KLF1: variants seen among roughly 807,000 people sequenced by gnomAD.
KLF1 encodes the protein KLF transcription factor 1.
KLF1 carries 29 observed loss-of-function variants against 28.0 expected under a neutral mutation model. The ratio of observed to expected loss-of-function variants is 1.04; its 90% CI spans 0.77 to 1.41. The LOEUF (loss-of-function observed/expected upper bound fraction) is 1.41, where lower values mean the gene tolerates loss of function less well. Ranked by LOEUF, KLF1 falls within the 40% of genes most tolerant of loss-of-function variation. KLF1 has a pLI of 0.00. For synonymous variants in KLF1, 262 were observed against 242.6 expected (o/e 1.08, Z -0.74); for missense variants, 508 against 515.1 (o/e 0.99, Z 0.13).
Position 12,885,705 on chromosome 19 carries a change from G to A in KLF1, c.525C>T (p.Ala175=). 3.3e-6 allele frequency: 5 copies of A among 1,525,818 alleles called. No homozygotes were observed. Among genetic ancestry groups the A allele is most frequent in the Non-Finnish European group, 4.4e-6 (5 of 1,136,104 alleles). The allele number at this position is 1,525,818 out of a possible 1,614,324, so 94.5% of individuals were successfully genotyped here. ...GCGGGAAGTAGCCACCCGAGGAGCC[G>A]GCGCCGGGCCCCGGGTACACCGGTT... The part of the protein sequence containing the change: ...ALQPVYPGPG[A]GSSGGYFPRT... Residue 175 remains alanine (A), a synonymous_variant, in exon 2 of 3, where the codon GCC becomes GCT. Transcript: ENST00000264834. The surrounding 1 kb of genome is among the most constrained non-coding windows in gnomAD (Gnocchi z 5.6).
Position 12,885,617 on chromosome 19 carries a change from CG to C in KLF1, c.612del (p.Ala205ArgfsTer32). On this transcript the variant is annotated frameshift_variant, in exon 2 of 3. Transcript: ENST00000264834. LOFTEE classifies it high-confidence loss of function. The surrounding 1 kb of genome is among the most constrained non-coding windows in gnomAD (Gnocchi z 5.6). ...GAPYGLLSGY[P>X]AMYPAPQYQG... The stretch of plus-strand genomic sequence containing the variant: ...TGGTACTGAGGCGCCGGGTACATCG[CG>C]GGGTACCCGGACAGTAGCCCGTAGG... The C allele has an allele frequency of 6.4e-7, 1 of 1,551,706 alleles. No homozygotes were observed. The highest frequency in any genetic ancestry group is 8.7e-7 in the Non-Finnish European group (1 of 1,148,200).
rs778818367 is a variant in KLF1, at chr19:12,887,078, C to T, written c.63G>A (p.Pro21=). The T allele has an allele frequency of 6.2e-6, 10 of 1,614,006 alleles. No homozygotes were observed. The highest frequency in any genetic ancestry group is 1.6e-4 in the Middle Eastern group (1 of 6,084). The change falls in exon 1 of 3, where the codon CCG becomes CCA. Residue 21 remains proline (P), a synonymous_variant. Coordinates refer to ENST00000264834, the MANE Select transcript of KLF1 (RefSeq NM_006563.5). This position sits in a 1 kb window ranked among gnomAD's most constrained non-coding sequence, Gnocchi z 4.7. ...CCTTGAGGAAGTCATCCTGTGTGTC[C>T]GGGAAGGGGCCCAGGGCGGTCAGTG... ...ISTLTALGPF[P]DTQDDFLKWW... is the part of the protein sequence containing the mutation.
chr19:12,884,954 G>C lies in KLF1; in HGVS notation c.1020C>G (p.Arg340=). 1 of 1,613,764 alleles carries C rather than the reference G, an allele frequency of 6.2e-7. No homozygotes were observed. Among genetic ancestry groups the C allele is most frequent in the South Asian group, 1.1e-5 (1 of 91,084 alleles). Residue 340 remains arginine (R), a synonymous_variant, in exon 3 of 3, where the codon CGC becomes CGG. Transcript: ENST00000264834. The part of the protein sequence containing the change: ...YRKHTGQRPF[R]CQLCPRAFSR... ...AAAAAGCACGTGGGCAGAGCTGGCA[G>C]CGGAAGGGGCGCTGCCCCGTGTGTT... is the stretch of plus-strand genomic sequence containing the variant.
Position 12,885,385 on chromosome 19 carries a change from G to A in KLF1, c.845C>T (p.Ala282Val). 6.2e-7 allele frequency: 1 copy of A among 1,605,558 alleles called. No individual in the cohort carries two copies. The change falls in exon 2 of 3, where the codon GCG (alanine) becomes GTG (valine). Residue 282 changes from alanine (A) to valine (V), a missense_variant. Physicochemically the swap from Ala to Val is moderately conservative, Grantham distance 64. Transcript: ENST00000264834. The surrounding 1 kb of genome is among the most constrained non-coding windows in gnomAD (Gnocchi z 5.6). ...GTAGCTCTTGCCGCAACCCGGGTGC[G>A]CGCACGTGTGCGCTGCCTGCCTCTT... ...ARKRQAAHTC[A>V]HPGCGKSYTK... is the part of the protein sequence containing the mutation.
Position 12,886,916 on chromosome 19 carries a change from C to T in KLF1, c.87+138G>A, listed in dbSNP as rs560490764. ...CCCCTGCCAGACTAAGCTGAGATCT[C>T]CTCTCCTGGACTGAGCGTACCTCAG... On this transcript the variant is annotated intron_variant, in intron 1 of 2. Transcript: ENST00000264834. 14 of 874,326 alleles carry T rather than the reference C, an allele frequency of 1.6e-5. No individual in the cohort carries two copies. In the African/African-American group the frequency reaches 2.0e-4, roughly 12 times the overall value. The allele number at this position is 874,326 out of a possible 1,614,324, so 54.2% of individuals were successfully genotyped here.
chr19:12,885,524 G>T lies in KLF1; in HGVS notation c.706C>A (p.Leu236Met). ...APGPATSPSFLSCLGPGTVGT... is the reference protein window; with the variant it reads ...APGPATSPSFMSCLGPGTVGT... Reference sequence around the variant, plus strand: ...ACCGTCCCGGGTCCCAAACAACTCAGGAAGGAGGGGGACGTGGCGGGACCG... The same window carrying T: ...ACCGTCCCGGGTCCCAAACAACTCATGAAGGAGGGGGACGTGGCGGGACCG... The change falls in exon 2 of 3, where the codon CTG becomes ATG. Residue 236 changes from leucine (L) to methionine (M), a missense_variant. By Grantham distance (15) the Leu-to-Met change is conservative. Coordinates refer to ENST00000264834, the MANE Select transcript of KLF1 (RefSeq NM_006563.5). The surrounding 1 kb of genome is among the most constrained non-coding windows in gnomAD (Gnocchi z 5.6). 6.3e-7 allele frequency: 1 copy of T among 1,587,380 alleles called. No individual in the cohort carries two copies. Among genetic ancestry groups the T allele is most frequent in the East Asian group, 2.3e-5 (1 of 43,424 alleles).
Position 12,885,149 on chromosome 19 carries a change from G to A in KLF1, c.914-89C>T. The A allele has an allele frequency of 2.7e-6, 4 of 1,491,460 alleles. No individual in the cohort carries two copies. In the South Asian group the frequency reaches 4.6e-5, roughly 17 times the overall value. 92.4% of individuals were successfully genotyped at this position (1,491,460 alleles called of 1,614,324 possible). On this transcript the variant is annotated intron_variant, in intron 2 of 2. Transcript: ENST00000264834. This position sits in a 1 kb window ranked among gnomAD's most constrained non-coding sequence, Gnocchi z 5.6. Reference sequence around the variant, plus strand: ...CTGGCCACACCCCTTTACTCAGCCTGGGCTGGGACTAGGATGAACAAAGTG... The same window carrying A: ...CTGGCCACACCCCTTTACTCAGCCTAGGCTGGGACTAGGATGAACAAAGTG...
chr19:12,886,260 T>A, intron 1 of KLF1, 118 bp from the exon 2 acceptor site: 1 of 713,234 alleles, frequency 1.4e-6, no homozygotes, highest in Non-Finnish European at 2.3e-6. Flanking sequence ...TTTGCCTGTC[T>A]GTCTGTCCCA....
intron 1 of KLF1, among the ~76,000 whole-genome samples, chr19:12,886,442 G>A (rs761987650): frequency 6.6e-5 from 10 of 152,040 alleles, no homozygotes; most frequent in Non-Finnish European, 1.5e-4. Flanking sequence ...AAACTGGCAG[G>A]GGACGGGGGA....
Position 12,884,916 on chromosome 19 carries a change from T to A in KLF1, c.1058A>T (p.His353Leu). ...LCPRAFSRSD[H>L]LALHMKRHL ...GTGGCGCTTCATGTGCAAGGCCAGGTGGTCAGAGCGCGAAAAAGCACGTGG... is the reference window on the plus strand; with the variant it reads ...GTGGCGCTTCATGTGCAAGGCCAGGAGGTCAGAGCGCGAAAAAGCACGTGG... Residue 353 changes from histidine (H) to leucine (L), a missense_variant, in exon 3 of 3, where the codon CAC becomes CTC. By Grantham distance (99) the His-to-Leu change is moderately conservative (BLOSUM62 -3). Coordinates refer to ENST00000264834, the MANE Select transcript of KLF1 (RefSeq NM_006563.5). 1 of 1,613,884 alleles carries A rather than the reference T, an allele frequency of 6.2e-7. No homozygotes were observed. Among genetic ancestry groups the A allele is most frequent in the Non-Finnish European group, 8.5e-7 (1 of 1,180,010 alleles).
Position 12,884,803 on chromosome 19 carries a change from G to T in KLF1, c.*82C>A. ...GGAAAACCACCCAGCATTGTGTCAC[G>T]CGCGTCCGTGTGAAGAGACCACCAA... On this transcript the variant is annotated 3_prime_UTR_variant, in exon 3 of 3. Coordinates refer to ENST00000264834, the MANE Select transcript of KLF1 (RefSeq NM_006563.5). The T allele has an allele frequency of 6.9e-7, 1 of 1,446,654 alleles. No individual in the cohort carries two copies. The allele number at this position is 1,446,654 out of a possible 1,614,324, so 89.6% of individuals were successfully genotyped here. A position where few individuals can be genotyped will look rare whatever the true frequency, so the allele number is the denominator to read the frequency against.
Position 12,885,307 on chromosome 19 carries a change from G to C in KLF1, c.913+10C>G. ...CGCCCTTTCTCATGTCCGGGGCCCC[G>C]CCCCCTCACCTGTGTGCGTGCGCAG... On this transcript the variant is annotated intron_variant, in intron 2 of 2. Coordinates refer to ENST00000264834, the MANE Select transcript of KLF1 (RefSeq NM_006563.5). This position sits in a 1 kb window ranked among gnomAD's most constrained non-coding sequence, Gnocchi z 5.6. 6.4e-7 allele frequency: 1 copy of C among 1,567,326 alleles called. No homozygotes were observed. Among genetic ancestry groups the C allele is most frequent in the Non-Finnish European group, 8.7e-7 (1 of 1,155,316 alleles).
chr19:12,886,709 G>T (rs1970453083), intron 1 of KLF1, among the ~76,000 whole-genome samples: 1 of 149,388 alleles, frequency 6.7e-6, no homozygotes, highest in Non-Finnish European at 1.5e-5. Context: ...GGGCTCTAAT[G>T]ATCCTCCTGC....
Position 12,885,927 on chromosome 19 carries a change from G to C in KLF1, c.303C>G (p.Ala101=). The change falls in exon 2 of 3, where the codon GCC becomes GCG. Residue 101 remains alanine (A), a synonymous_variant. Coordinates refer to ENST00000264834, the MANE Select transcript of KLF1 (RefSeq NM_006563.5). This position sits in a 1 kb window ranked among gnomAD's most constrained non-coding sequence, Gnocchi z 5.6. ...PQTCALAPSE[A]SGAQYPPPPE... is the part of the protein sequence containing the mutation. ...GCGGCGGCGGATATTGCGCCCCGGA[G>C]GCCTCGCTGGGCGCCAGAGCGCAGG... 1 of 1,554,092 alleles carries C rather than the reference G, an allele frequency of 6.4e-7. No homozygotes were observed. Among genetic ancestry groups the C allele is most frequent in the Non-Finnish European group, 8.7e-7 (1 of 1,149,074 alleles).
Position 12,885,301 on chromosome 19 carries a change from G to C in KLF1, c.913+16C>G. 2 of 1,561,670 alleles carry C rather than the reference G, an allele frequency of 1.3e-6. No individual in the cohort carries two copies. The highest frequency in any genetic ancestry group is 1.7e-6 in the Non-Finnish European group (2 of 1,152,152). On this transcript the variant is annotated intron_variant, in intron 2 of 2. Transcript: ENST00000264834. This position sits in a 1 kb window ranked among gnomAD's most constrained non-coding sequence, Gnocchi z 5.6. ...GCGCCGCGCCCTTTCTCATGTCCGG[G>C]GCCCCGCCCCCTCACCTGTGTGCGT...
Position 12,885,852 on chromosome 19 carries a change from A to G in KLF1, c.378T>C (p.Leu126=). 2 of 1,551,610 alleles carry G rather than the reference A, an allele frequency of 1.3e-6. No individual in the cohort carries two copies. The highest frequency in any genetic ancestry group is 3.9e-5 in the Admixed American group (2 of 51,356). The part of the protein sequence containing the change: ...YAGGPGLVAG[L]LGSEDHSGWV... ...AACCCGAGTGATCCTCCGAACCCAA[A>G]AGCCCAGCCACCAGCCCCGGGCCGC... Residue 126 remains leucine (L), a synonymous_variant, in exon 2 of 3, where the codon CTT becomes CTC. Coordinates refer to ENST00000264834, the MANE Select transcript of KLF1 (RefSeq NM_006563.5). The surrounding 1 kb of genome is among the most constrained non-coding windows in gnomAD (Gnocchi z 5.6).
rs1239649134 is a variant in KLF1 at position 12,884,643 on chromosome 19, ATC to A, written c.*240_*241del. ...ACTGGGTTTGCACGACAGTTTGGAC[ATC>A]TCTGTGTGGCTCCCTGTGGCTGAAG... On this transcript the variant is annotated 3_prime_UTR_variant, in exon 3 of 3. Coordinates refer to ENST00000264834, the MANE Select transcript of KLF1 (RefSeq NM_006563.5). 3 of 567,864 alleles carry A rather than the reference ATC, an allele frequency of 5.3e-6. No individual in the cohort carries two copies. The African/African-American group carries it at 5.6e-5, about 11-fold the overall frequency. 35.2% of individuals were successfully genotyped at this position (567,864 alleles called of 1,614,324 possible).
chr19:12,885,592 T>C lies in KLF1; in HGVS notation c.638A>G (p.Gln213Arg). ...YPAMYPAPQY[Q>R]GHFQLFRGLQ... Reference sequence around the variant, plus strand: ...CCCGCGGAAGAGCTGGAAGTGCCCTTGGTACTGAGGCGCCGGGTACATCGC... The same window carrying C: ...CCCGCGGAAGAGCTGGAAGTGCCCTCGGTACTGAGGCGCCGGGTACATCGC... Residue 213 changes from glutamine to arginine, a missense_variant, in exon 2 of 3, where the codon CAA becomes CGA. Gln to Arg is a conservative substitution (Grantham distance 43, BLOSUM62 1). Coordinates refer to ENST00000264834, the MANE Select transcript of KLF1 (RefSeq NM_006563.5). The surrounding 1 kb of genome is among the most constrained non-coding windows in gnomAD (Gnocchi z 5.6). 6.4e-7 allele frequency: 1 copy of C among 1,557,604 alleles called. No individual in the cohort carries two copies. The highest frequency in any genetic ancestry group is 8.7e-7 in the Non-Finnish European group (1 of 1,151,326).
Position 12,884,807 on chromosome 19 carries a change from G to T in KLF1, c.*78C>A. Reference sequence around the variant, plus strand: ...AACCACCCAGCATTGTGTCACGCGCGTCCGTGTGAAGAGACCACCAAACAG... The same window carrying T: ...AACCACCCAGCATTGTGTCACGCGCTTCCGTGTGAAGAGACCACCAAACAG... On this transcript the variant is annotated 3_prime_UTR_variant, in exon 3 of 3. Coordinates refer to ENST00000264834, the MANE Select transcript of KLF1 (RefSeq NM_006563.5). 6.8e-7 allele frequency: 1 copy of T among 1,475,516 alleles called. No homozygotes were observed. Among genetic ancestry groups the T allele is most frequent in the Non-Finnish European group, 9.4e-7 (1 of 1,062,234 alleles). The allele number at this position is 1,475,516 out of a possible 1,614,324, so 91.4% of individuals were successfully genotyped here. A position where few individuals can be genotyped will look rare whatever the true frequency, so the allele number is the denominator to read the frequency against.
Sources: allele counts gnomAD v4.1 joint callset (sites outside exome capture counted in the v4.1 genomes callset), GRCh38; gene constraint gnomAD v4.1.1; non-coding constraint Gnocchi (gnomAD v3.1); transcripts MANE v1.5; gene names NCBI Gene and HGNC (gene_info 2026-07-23, HGNC 2026-07-21).